GLRB: variants seen among roughly 807,000 people sequenced by gnomAD.
GLRB encodes glycine receptor subunit beta.
Under a neutral mutation model 54.2 loss-of-function variants are expected in GLRB, and 33 were observed. The ratio of observed to expected loss-of-function variants is 0.61; its 90% confidence interval spans 0.46 to 0.81. The LOEUF is 0.81. Ranked by LOEUF, GLRB falls within the 40% of genes least tolerant of loss-of-function variation. The pLI is 0.00. For synonymous variants in GLRB, 209 were observed against 208.2 expected, an observed-to-expected ratio of 1.00 and a Z score of -0.03; for missense variants, 572 against 584.6, an observed-to-expected ratio of 0.98 and a Z score of 0.22.
At chr4:157,116,362 T>C (rs1324651790) in intron 2 of GLRB, among the ~76,000 whole-genome samples, 3 of 151,800 alleles carry the variant, frequency 2.0e-5, no homozygotes, top group African/African-American at 7.2e-5. Context: ...ATCCTGCTTT[T>C]TAATATATTG....
intron 2 of GLRB, among the ~76,000 whole-genome samples, chr4:157,104,163 G>T (rs1190478868): frequency 1.3e-5 from 2 of 152,098 alleles, no homozygotes; most frequent in Admixed American, 1.3e-4. Flanking sequence ...AGTTTTCACT[G>T]TTGGGAATGA....
intron 2 of GLRB, among the ~76,000 whole-genome samples, chr4:157,118,638 G>T (rs1735691840): frequency 2.0e-5 from 3 of 151,356 alleles, no homozygotes; most frequent in African/African-American, 7.3e-5. Flanking sequence ...ATTTGAAAGG[G>T]TTGTCTATAT....
chr4:157,101,122 C>G (rs984377858), intron 2 of GLRB, among the ~76,000 whole-genome samples: 3 of 152,052 alleles, frequency 2.0e-5, no homozygotes, highest in Non-Finnish European at 4.4e-5. Flanking sequence ...ATTCAAAGAA[C>G]ATTTTCCCCC....
chr4:157,095,379 G>C (rs1734771452), intron 2 of GLRB, among the ~76,000 whole-genome samples: 1 of 151,918 alleles, frequency 6.6e-6, no homozygotes, highest in Non-Finnish European at 1.5e-5. Context: ...TAGGAAATGA[G>C]GGGAAAACAA....
intron 4 of GLRB, among the ~76,000 whole-genome samples, chr4:157,123,042 A>G (rs1579217604): frequency 6.6e-6 from 1 of 151,750 alleles, no homozygotes. Flanking sequence ...GACTTTAGGG[A>G]CAAAGTTTTC....
chr4:157,148,287 T>G (rs2126593109), intron 8 of GLRB, among the ~76,000 whole-genome samples: 1 of 152,310 alleles, frequency 6.6e-6, no homozygotes, highest in South Asian at 2.1e-4. Context: ...TCACTCAAGC[T>G]AAAGGATTTT....
At chr4:157,160,403 T>C (rs926949650) in intron 9 of GLRB, among the ~76,000 whole-genome samples, 4 of 152,202 alleles carry the variant, frequency 2.6e-5, no homozygotes, top group African/African-American at 9.7e-5. Flanking sequence ...CTTGCTTCTC[T>C]AGTTCTTTTA....
At chr4:157,077,828 A>G (rs1734091378) in intron 1 of GLRB, among the ~76,000 whole-genome samples, 168 bp from the exon 2 acceptor site, 1 of 151,770 alleles carries the variant, frequency 6.6e-6, no homozygotes, top group Admixed American at 6.6e-5. Flanking sequence ...TACTATATAA[A>G]AAATACTAAA....
chr4:157,104,528 G>GT (rs142545665), intron 2 of GLRB, among the ~76,000 whole-genome samples: 5,182 of 147,490 alleles, frequency 0.035, 174 homozygotes, highest in South Asian at 0.16. Flanking sequence ...CTTTTGATGT[G>GT]TTTTTTTTTT....
At chr4:157,169,572 G>A (rs1323643019) in intron 9 of GLRB, among the ~76,000 whole-genome samples, 1 of 151,942 alleles carries the variant, frequency 6.6e-6, no homozygotes, top group Non-Finnish European at 1.5e-5. Context: ...CTATATCCAT[G>A]GATTTTGTGA....
At chr4:157,164,672 A>G (rs1252266951) in intron 9 of GLRB, among the ~76,000 whole-genome samples, 1 of 152,188 alleles carries the variant, frequency 6.6e-6, no homozygotes, top group Non-Finnish European at 1.5e-5. Context: ...GTAACAGAAT[A>G]CTAATGTGCA....
chr4:157,162,380 C>A (rs190980187), intron 9 of GLRB, among the ~76,000 whole-genome samples: 1 of 152,162 alleles, frequency 6.6e-6, no homozygotes, highest in Non-Finnish European at 1.5e-5. Flanking sequence ...CCGTTGCTGG[C>A]GAGGAGCTGC....
intron 7 of GLRB, among the ~76,000 whole-genome samples, chr4:157,139,375 T>A (rs893133056): frequency 1.3e-5 from 2 of 152,184 alleles, no homozygotes; most frequent in Non-Finnish European, 2.9e-5. Context: ...ATTCTTAATT[T>A]TAAAAAGCAT....
chr4:157,152,046 A>G (rs962061264), intron 8 of GLRB, among the ~76,000 whole-genome samples: 2 of 152,214 alleles, frequency 1.3e-5, no homozygotes, highest in Non-Finnish European at 2.9e-5. Context: ...GGGAAGAGAA[A>G]GAGAGCAATA....
chr4:157,076,713 C>T (rs537123679), intron 1 of GLRB, among the ~76,000 whole-genome samples: 31 of 151,916 alleles, frequency 2.0e-4, no homozygotes, highest in Admixed American at 1.6e-3. Context: ...TAGGGGGGCT[C>T]GGCCCTCCTT....
In GLRB at chr4:157,102,982, T is replaced by C. The variant is rs144441414; in HGVS notation, c.123-17574T>C. ...GAGTTTGAGACCAGCCTGGCCAACA[T>C]AGTGAAACCCCGTCTCTACTAACTT... On this transcript the variant is annotated intron_variant, in intron 2 of 9. Coordinates refer to ENST00000264428, the MANE Select transcript of GLRB (RefSeq NM_000824.5). Among the ~76,000 whole-genome samples, 336 of 151,936 alleles carry C rather than the reference T, an allele frequency of 2.2e-3. 1 individual carries two copies. Among genetic ancestry groups the C allele is most frequent in the African/African-American group, 7.7e-3 (319 of 41,446 alleles).
chr4:157,129,752 AG>A (rs764479942), intron 4 of GLRB, among the ~76,000 whole-genome samples: 47 of 151,152 alleles, frequency 3.1e-4, no homozygotes, highest in Admixed American at 9.3e-4. Flanking sequence ...GACCCATTTG[AG>A]CTTTTTTTTT....
At chr4:157,084,585 T>C (rs1019487133) in intron 2 of GLRB, 1 of 456,038 alleles carries the variant, frequency 2.2e-6, no homozygotes, top group African/African-American at 2.0e-5. Flanking sequence ...ATTTCTTTGT[T>C]AGTTTTTTCA....
At chr4:157,091,203 G>A (rs1734598806) in intron 2 of GLRB, among the ~76,000 whole-genome samples, 1 of 152,050 alleles carries the variant, frequency 6.6e-6, no homozygotes, top group South Asian at 2.1e-4. Context: ...TTGGCGTGCA[G>A]CACAATGATT....
Sources: allele counts gnomAD v4.1 joint callset (sites outside exome capture counted in the v4.1 genomes callset), GRCh38; gene constraint gnomAD v4.1.1; transcripts MANE v1.5; gene names NCBI Gene and HGNC (gene_info 2026-07-23, HGNC 2026-07-21).